KCNMA1: variants seen among roughly 807,000 people sequenced by gnomAD.
KCNMA1 encodes potassium calcium-activated channel subfamily M alpha 1.
In KCNMA1, 29 loss-of-function variants were observed where a neutral mutation model predicts 140.0. The observed-to-expected ratio is 0.21, with a 90% CI of 0.15 to 0.28. KCNMA1 has a LOEUF of 0.28. Among genes scored for constraint, KCNMA1 ranks in the 10% least tolerant of loss-of-function variants. The pLI is 1.00. For synonymous variants in KCNMA1, 612 were observed against 611.9 expected (o/e 1.00, Z 0.00); for missense variants, 880 against 1,602.2 (o/e 0.55, Z 7.70).
At chr10:77,272,413 A>G (rs929834944) in intron 2 of KCNMA1, among the ~76,000 whole-genome samples, 22 of 152,280 alleles carry the variant, frequency 1.4e-4, no homozygotes, top group Admixed American at 5.9e-4. Flanking sequence ...TACTTGATAC[A>G]TACAGTTAAC....
intron 14 of KCNMA1, among the ~76,000 whole-genome samples, chr10:77,064,586 G>A (rs1435412671): frequency 6.6e-6 from 1 of 152,170 alleles, no homozygotes; most frequent in Non-Finnish European, 1.5e-5. Context: ...CCTGTTAATA[G>A]CTCATGGATT....
intron 18 of KCNMA1, among the ~76,000 whole-genome samples, chr10:77,007,817 T>C (rs930239364): frequency 5.3e-4 from 81 of 152,016 alleles, no homozygotes; most frequent in African/African-American, 1.9e-3. Flanking sequence ...TCTGGAGTTA[T>C]AGTGGTAATT....
intron 14 of KCNMA1, among the ~76,000 whole-genome samples, chr10:77,057,984 T>TA (rs746628225): frequency 2.0e-5 from 3 of 151,950 alleles, no homozygotes; most frequent in South Asian, 2.1e-4. Flanking sequence ...AATCGATTTT[T>TA]AAAAAATCAC....
At chr10:77,608,715 T>C (rs897978514) in intron 1 of KCNMA1, among the ~76,000 whole-genome samples, 5 of 152,214 alleles carry the variant, frequency 3.3e-5, no homozygotes, top group Non-Finnish European at 5.9e-5. Context: ...CAGCCTGTTA[T>C]AGACACTTGC....
At chr10:77,143,781 A>T (rs1051275036) in intron 5 of KCNMA1, among the ~76,000 whole-genome samples, 9 of 152,180 alleles carry the variant, frequency 5.9e-5, no homozygotes, top group African/African-American at 2.2e-4. Context: ...AAAGACAATA[A>T]ATTAAAAGAT....
At position 77,088,459 on chromosome 10, in the gene KCNMA1, T is replaced by C. The variant is rs2096743518; in HGVS notation, c.1335-1866A>G. Reference sequence around the variant, plus strand: ...TTTTGTTTTGTTTTGTTTTGTTTTGTTTTTTGGAGACAGGGACTGGAGTGC... The same window carrying C: ...TTTTGTTTTGTTTTGTTTTGTTTTGCTTTTTGGAGACAGGGACTGGAGTGC... On this transcript the variant is annotated intron_variant, in intron 10 of 27. Coordinates refer to ENST00000286628, the MANE Select transcript of KCNMA1 (RefSeq NM_001161352.2). Among the ~76,000 whole-genome samples the C allele has an allele frequency of 3.9e-5, 6 of 152,154 alleles. No homozygotes were observed. In the South Asian group the frequency reaches 1.2e-3, roughly 32 times the overall value.
rs1270388593 is a variant in KCNMA1 at position 77,108,636 on chromosome 10, C to T, written c.1132-64G>A. On this transcript the variant is annotated intron_variant, in intron 8 of 27. Transcript: ENST00000286628. This position sits in a 1 kb window ranked among gnomAD's most constrained non-coding sequence, Gnocchi z 4.6. ...GGCCAAAGAAAAGGGGGGACCTGTTCAGAGGGTGGGGGCACTAAGATCTGA... is the reference window on the plus strand; with the variant it reads ...GGCCAAAGAAAAGGGGGGACCTGTTTAGAGGGTGGGGGCACTAAGATCTGA... 10 of 1,206,226 alleles carry T rather than the reference C, an allele frequency of 8.3e-6. No homozygotes were observed. In the Admixed American group the frequency reaches 1.7e-4, roughly 20 times the overall value. The allele number at this position is 1,206,226 out of a possible 1,614,324, so 74.7% of individuals were successfully genotyped here.
chr10:77,420,719 G>C (rs532120518), intron 1 of KCNMA1, among the ~76,000 whole-genome samples: 1 of 152,284 alleles, frequency 6.6e-6, no homozygotes, highest in African/African-American at 2.4e-5. Flanking sequence ...CACAGACCCA[G>C]TAACCAGGAA....
At chr10:77,427,910 G>C (rs568256506) in intron 1 of KCNMA1, among the ~76,000 whole-genome samples, 1 of 151,766 alleles carries the variant, frequency 6.6e-6, no homozygotes, top group Non-Finnish European at 1.5e-5. Flanking sequence ...ATGCCACCAC[G>C]CCTGGCTAAT....
intron 2 of KCNMA1, among the ~76,000 whole-genome samples, chr10:77,377,596 C>T (rs2154424460): frequency 6.6e-6 from 1 of 152,272 alleles, no homozygotes; most frequent in South Asian, 2.1e-4. Flanking sequence ...TTTTGCGGAA[C>T]TCTTGCTGGG....
chr10:77,241,360 C>T (rs1039655855), intron 3 of KCNMA1, among the ~76,000 whole-genome samples: 3 of 152,140 alleles, frequency 2.0e-5, no homozygotes, highest in Non-Finnish European at 4.4e-5. Context: ...ACAACGAATC[C>T]AGGCTGGGCA....
chr10:77,556,593 A>C lies in KCNMA1; in HGVS notation c.378+80672T>G, dbSNP rs77731459. 3.3e-3 allele frequency among the ~76,000 whole-genome samples: 504 copies of C among 151,980 alleles called. 7 individuals are homozygous for C. The highest frequency in any genetic ancestry group is 0.012 in the African/African-American group (484 of 41,426). ...GATGATGAAGACCAGGATACAGTAC[A>C]ATAAGGACTCTTTATGCTTTCAAAA... On this transcript the variant is annotated intron_variant, in intron 1 of 27. Coordinates refer to ENST00000286628, the MANE Select transcript of KCNMA1 (RefSeq NM_001161352.2).
At chr10:77,637,124 G>T in intron 1 of KCNMA1, 141 bp downstream of exon 1, 2 of 1,265,138 alleles carry the variant, frequency 1.6e-6, no homozygotes, top group Non-Finnish European at 2.1e-6. Flanking sequence ...CGGGAGAGCC[G>T]AGGGAAGGGA....
intron 26 of KCNMA1, among the ~76,000 whole-genome samples, chr10:76,891,095 G>A (rs1323613583): frequency 2.0e-5 from 3 of 152,184 alleles, no homozygotes; most frequent in Non-Finnish European, 4.4e-5. Flanking sequence ...CCTAAGCTAC[G>A]CTAAGAGCCT....
At chr10:77,150,798 T>G (rs2098403895) in intron 5 of KCNMA1, among the ~76,000 whole-genome samples, 1 of 152,228 alleles carries the variant, frequency 6.6e-6, no homozygotes, top group African/African-American at 2.4e-5. Context: ...TGATTCTAAG[T>G]AGGTTCTAGT....
chr10:77,267,898 C>G (rs865976373), intron 2 of KCNMA1, among the ~76,000 whole-genome samples: 1 of 152,232 alleles, frequency 6.6e-6, no homozygotes, highest in Middle Eastern at 3.4e-3. Context: ...AAAGGAATTC[C>G]CTGTTATATC....
rs80112294 is a variant in KCNMA1 at position 77,597,537 on chromosome 10, A to C, written c.378+39728T>G. Among the ~76,000 whole-genome samples the C allele has an allele frequency of 9.5e-4, 145 of 152,326 alleles. 2 individuals are homozygous for C. The East Asian group carries it at 0.012, about 13-fold the overall frequency. ...AATAATAAATTGAAATTTAAAAAGA[A>C]AAGCAAGAGGCAGGGGACAAGAATG... On this transcript the variant is annotated intron_variant, in intron 1 of 27. Transcript: ENST00000286628.
Position 77,130,010 on chromosome 10 carries a change from T to A in KCNMA1, c.809-8962A>T, listed in dbSNP as rs535687869. 6.6e-5 allele frequency among the ~76,000 whole-genome samples: 10 copies of A among 152,244 alleles called. No individual in the cohort carries two copies. The South Asian group carries it at 2.1e-3, about 32-fold the overall frequency. On this transcript the variant is annotated intron_variant, in intron 5 of 27. Transcript: ENST00000286628. ...TTATGATTAAATTATTGCACATACA[T>A]TTTATTAAAATTCTAAACTGTTCCA...
intron 2 of KCNMA1, chr10:77,373,973 G>T (rs1363689110): frequency 6.6e-6 from 1 of 152,288 alleles, no homozygotes; most frequent in Non-Finnish European, 1.5e-5. Context: ...CCAGTGGGTG[G>T]TTATGGCTGT....
Sources: gnomAD v4.1 joint callset for allele counts (sites outside exome capture counted in the v4.1 genomes callset) on GRCh38, gnomAD v4.1.1 for gene constraint, Gnocchi (gnomAD v3.1) non-coding constraint, MANE v1.5 for transcripts, NCBI Gene and HGNC (gene_info 2026-07-23, HGNC 2026-07-21) for gene names.